Variants in ZC3H14 observed in about 807,000 individuals in gnomAD.
ZC3H14 encodes zinc finger CCCH-type containing 14.
ZC3H14 carries 31 observed loss-of-function variants against 92.4 expected under a neutral mutation model. The observed-to-expected ratio is 0.34, with a 90% CI of 0.25 to 0.45. The LOEUF (loss-of-function observed/expected upper bound fraction) is 0.45. Among genes scored for constraint, ZC3H14 ranks in the 20% least tolerant of loss-of-function variants. The probability of loss-of-function intolerance (pLI) is 1.00; values close to 1 mark genes in which losing one functional copy is unlikely to be tolerated. For synonymous variants in ZC3H14, 321 were observed against 300.9 expected, an observed-to-expected ratio of 1.07 and a Z score of -0.69; for missense variants, 781 against 897.3, an observed-to-expected ratio of 0.87 and a Z score of 1.66.
In ZC3H14 at chr14:88,618,939, C is replaced by G; in HGVS notation, c.*7188C>G. The G allele has an allele frequency of 1.2e-6, 1 of 824,094 alleles. No individual in the cohort carries two copies. The highest frequency in any genetic ancestry group is 1.8e-6 in the Non-Finnish European group (1 of 548,846). The allele number at this position is 824,094 out of a possible 1,614,324, so 51.0% of individuals were successfully genotyped here. On this transcript the variant is annotated 3_prime_UTR_variant, in exon 17 of 17. Transcript: ENST00000251038. ...TAAGGCCTCAAATAGATTTACCTGTCAGACACAACTGATCATGTATACTGA... is the reference window on the plus strand; with the variant it reads ...TAAGGCCTCAAATAGATTTACCTGTGAGACACAACTGATCATGTATACTGA...
At chr14:88,575,258 G>A (rs542652458) in intron 7 of ZC3H14, among the ~76,000 whole-genome samples, 5 of 152,262 alleles carry the variant, frequency 3.3e-5, no homozygotes, top group East Asian at 1.9e-4. Context: ...ATGTAATACC[G>A]TGTAAGACTT....
Position 88,622,997 on chromosome 14 carries a change from C to A in ZC3H14, c.*11246C>A. Reference sequence around the variant, plus strand: ...TTAGCCTCTACAATACATTACAATACATTATCCTCTCTCATAATACTTTTT... The same window carrying A: ...TTAGCCTCTACAATACATTACAATAAATTATCCTCTCTCATAATACTTTTT... On this transcript the variant is annotated 3_prime_UTR_variant, in exon 17 of 17. Coordinates refer to ENST00000251038, the MANE Select transcript of ZC3H14 (RefSeq NM_024824.5). 2 of 246,260 alleles carry A rather than the reference C, an allele frequency of 8.1e-6. No individual in the cohort carries two copies. The highest frequency in any genetic ancestry group is 1.5e-5 in the Non-Finnish European group (2 of 131,212). The allele number at this position is 246,260 out of a possible 1,614,324, so 15.3% of individuals were successfully genotyped here.
intron 9 of ZC3H14, among the ~76,000 whole-genome samples, chr14:88,582,866 A>G (rs563749751): frequency 2.0e-5 from 3 of 152,226 alleles, no homozygotes; most frequent in African/African-American, 7.2e-5. Context: ...TAAAATATAA[A>G]CATGCACTCG....
At chr14:88,572,374 A>G in intron 5 of ZC3H14, 149 bp downstream of exon 5, 6 of 1,099,142 alleles carry the variant, frequency 5.5e-6, no homozygotes, top group Non-Finnish European at 7.9e-6. Context: ...AATAATGGAT[A>G]AGATCTAAGT....
chr14:88,577,508 G>C (rs1377055280), intron 8 of ZC3H14, among the ~76,000 whole-genome samples: 2 of 151,888 alleles, frequency 1.3e-5, no homozygotes, highest in Admixed American at 6.6e-5. Context: ...TCTCAGTAAC[G>C]TAAGAAAAAA....
intron 11 of ZC3H14, 145 bp from the exon 12 acceptor site, chr14:88,602,683 T>C (rs1466549808): frequency 1.3e-6 from 1 of 799,390 alleles, no homozygotes; most frequent in East Asian, 2.7e-5. Context: ...CCACCAGTGC[T>C]GCACCTGGTA....
chr14:88,597,937 C>T (rs975335409), intron 10 of ZC3H14, among the ~76,000 whole-genome samples: 1 of 152,132 alleles, frequency 6.6e-6, no homozygotes, highest in Non-Finnish European at 1.5e-5. Context: ...GCTCCTATCA[C>T]ATTTTTTATT....
At chr14:88,596,264 C>T (rs1470109418) in intron 9 of ZC3H14, among the ~76,000 whole-genome samples, 9 of 152,140 alleles carry the variant, frequency 5.9e-5, no homozygotes, top group Non-Finnish European at 2.9e-5. Flanking sequence ...CTTTTAGGAA[C>T]TCTTGTTTAG....
intron 9 of ZC3H14, among the ~76,000 whole-genome samples, chr14:88,579,811 TC>T (rs908324576): frequency 1.2e-4 from 18 of 152,138 alleles, no homozygotes; most frequent in African/African-American, 4.3e-4. Flanking sequence ...CAGCATTGTT[TC>T]AATGAAAGCA....
rs2087740495 is a variant in ZC3H14, at chr14:88,617,018, T to C, written c.*5267T>C. 1 of 677,360 alleles carries C rather than the reference T, an allele frequency of 1.5e-6. No individual in the cohort carries two copies. The highest frequency in any genetic ancestry group is 1.8e-5 in the African/African-American group (1 of 56,440). 42.0% of individuals were successfully genotyped at this position (677,360 alleles called of 1,614,324 possible). A position where few individuals can be genotyped will look rare whatever the true frequency, so the allele number is the denominator to read the frequency against. The stretch of plus-strand genomic sequence containing the variant: ...CAGGAAGTAAATTATGGTAAGTTGT[T>C]TGGAGACCTGAATTTCATCAGGATA... On this transcript the variant is annotated 3_prime_UTR_variant, in exon 17 of 17. Transcript: ENST00000251038.
intron 2 of ZC3H14, among the ~76,000 whole-genome samples, chr14:88,564,154 T>C (rs938933126): frequency 6.6e-6 from 1 of 152,212 alleles, no homozygotes; most frequent in African/African-American, 2.4e-5. Flanking sequence ...CATTTGTTTT[T>C]AGAACTCTGA....
At chr14:88,567,152 G>GT (rs2079779041) in intron 2 of ZC3H14, among the ~76,000 whole-genome samples, 1 of 137,874 alleles carries the variant, frequency 7.3e-6, no homozygotes, top group South Asian at 2.2e-4. Flanking sequence ...GTCTTGCTCT[G>GT]TTGCCCAGGC....
chr14:88,570,279 CA>C (rs1233828846), intron 3 of ZC3H14, among the ~76,000 whole-genome samples: 1 of 152,122 alleles, frequency 6.6e-6, no homozygotes, highest in African/African-American at 2.4e-5. Context: ...TCCGTGGGGA[CA>C]GTAGCATGTG....
rs373361896 is a variant in ZC3H14, at chr14:88,599,779, T to C, written c.1355-2145T>C. ...CACCCAACCTATGAACTGGTAGAAC[T>C]CCTTCGTCTCAGAAAGTGCAGAGTG... On this transcript the variant is annotated intron_variant, in intron 10 of 16. Transcript: ENST00000251038. 2.2e-4 allele frequency among the ~76,000 whole-genome samples: 34 copies of C among 152,338 alleles called. 1 individual carries two copies. In the South Asian group the frequency reaches 6.4e-3, roughly 29 times the overall value.
intron 9 of ZC3H14, chr14:88,591,389 G>C (rs1422633285): frequency 1.3e-5 from 2 of 152,264 alleles, no homozygotes; most frequent in African/African-American, 2.4e-5. Context: ...AGTGAGCCAA[G>C]ATTGCGCCAC....
intron 10 of ZC3H14, among the ~76,000 whole-genome samples, chr14:88,597,933 A>G (rs11159862): frequency 0.19 from 28,212 of 152,150 alleles, 3,153 homozygotes; most frequent in East Asian, 0.47. Flanking sequence ...CTTAGCTCCT[A>G]TCACATTTTT....
In ZC3H14 at chr14:88,619,998, T is replaced by C. The variant is rs2088596657; in HGVS notation, c.*8247T>C. 1 of 152,242 alleles carries C rather than the reference T, an allele frequency of 6.6e-6. No individual in the cohort carries two copies. The highest frequency in any genetic ancestry group is 2.1e-4 in the South Asian group (1 of 4,830). 9.4% of individuals were successfully genotyped at this position (152,242 alleles called of 1,614,324 possible). Reference sequence around the variant, plus strand: ...TTATTTAAAAGACAAAGTGAAATGCTATTTGCCTAGCAATCTTTGGAGTCA... The same window carrying C: ...TTATTTAAAAGACAAAGTGAAATGCCATTTGCCTAGCAATCTTTGGAGTCA... On this transcript the variant is annotated 3_prime_UTR_variant, in exon 17 of 17. Transcript: ENST00000251038.
At chr14:88,575,982 T>C in intron 8 of ZC3H14, 42 bp downstream of exon 8, 1 of 1,499,298 alleles carries the variant, frequency 6.7e-7, no homozygotes, top group Non-Finnish European at 9.3e-7. Context: ...AAGACATTTC[T>C]GTAATTCTTG....
chr14:88,568,798 G>A (rs1457056951), intron 3 of ZC3H14, among the ~76,000 whole-genome samples: 3 of 152,204 alleles, frequency 2.0e-5, no homozygotes, highest in Admixed American at 2.0e-4. Context: ...GCTAATATGT[G>A]TAAAGTACTT....
Sources: gnomAD v4.1 joint callset for allele counts (sites outside exome capture counted in the v4.1 genomes callset) on GRCh38, gnomAD v4.1.1 for gene constraint, MANE v1.5 for transcripts, NCBI Gene and HGNC (gene_info 2026-07-23, HGNC 2026-07-21) for gene names.